The following SVOP variants were observed in gnomAD, a reference collection of about 807,000 sequenced individuals.
The protein encoded by SVOP is SV2 related protein.
SVOP carries 17 observed loss-of-function variants against 69.1 expected under a neutral mutation model. The ratio of observed to expected loss-of-function variants is 0.25; its 90% CI spans 0.17 to 0.37. The LOEUF (loss-of-function observed/expected upper bound fraction) is 0.37, where lower values mean the gene tolerates loss of function less well. SVOP is among the 10% of genes least tolerant of loss of function. SVOP has a pLI of 1.00. For missense variants in SVOP, 435 were observed against 597.5 expected (o/e 0.73, Z 2.84); for synonymous variants, 238 against 238.6 (o/e 1.00, Z 0.02).
At chr12:108,963,181 A>G (rs1282932703) in intron 5 of SVOP, among the ~76,000 whole-genome samples, 2 of 152,084 alleles carry the variant, frequency 1.3e-5, no homozygotes, top group Non-Finnish European at 2.9e-5. Flanking sequence ...CCCTTCCCAG[A>G]GCTCCAAGGG....
At position 108,983,671 on chromosome 12, in the gene SVOP, G is replaced by A. The variant is rs1474278656; in HGVS notation, c.126C>T (p.His42=). 2.0e-5 allele frequency: 8 copies of A among 398,730 alleles called. No individual in the cohort carries two copies. Among genetic ancestry groups the A allele is most frequent in the Non-Finnish European group, 3.5e-5 (8 of 226,238 alleles). The allele number at this position is 398,730 out of a possible 1,614,324, so 24.7% of individuals were successfully genotyped here. Residue 42 remains histidine (H), a synonymous_variant, in exon 2 of 16, where the codon CAC becomes CAT. Transcript: ENST00000610966. ...CCAGCTCCACAGCCTCTAGGCCCACGTGGACCCCTTCAATCTGGACTTCAT... is the reference window on the plus strand; with the variant it reads ...CCAGCTCCACAGCCTCTAGGCCCACATGGACCCCTTCAATCTGGACTTCAT... ...GEHEVQIEGV[H]VGLEAVELDD...
intron 5 of SVOP, among the ~76,000 whole-genome samples, chr12:108,966,159 C>T (rs2040044466): frequency 6.6e-6 from 1 of 152,100 alleles, no homozygotes; most frequent in Admixed American, 6.5e-5. Flanking sequence ...TGCCATCATG[C>T]CTGGCTACAT....
chr12:109,020,297 A>T (rs1689896127), intron 1 of SVOP, among the ~76,000 whole-genome samples: 1 of 152,218 alleles, frequency 6.6e-6, no homozygotes, highest in Admixed American at 6.5e-5. Context: ...GACCGTGCAC[A>T]GCCCTCTCAT....
chr12:108,971,179 A>C (rs2040076676), intron 5 of SVOP, among the ~76,000 whole-genome samples: 1 of 152,152 alleles, frequency 6.6e-6, no homozygotes, highest in Non-Finnish European at 1.5e-5. Context: ...CTGTAATCTC[A>C]GCACTTTGGG....
chr12:108,931,008 G>A (rs1035073864), intron 11 of SVOP, among the ~76,000 whole-genome samples: 3 of 152,190 alleles, frequency 2.0e-5, no homozygotes, highest in African/African-American at 4.8e-5. Context: ...GCTAACCCCT[G>A]TTTTACGACA....
chr12:108,950,955 A>G (rs1304250772), intron 6 of SVOP, among the ~76,000 whole-genome samples: 1 of 152,268 alleles, frequency 6.6e-6, no homozygotes, highest in Non-Finnish European at 1.5e-5. Context: ...CAATGAAATT[A>G]GCAATGCCAA....
At chr12:109,016,064 T>C (rs1456073002) in intron 1 of SVOP, among the ~76,000 whole-genome samples, 1 of 152,162 alleles carries the variant, frequency 6.6e-6, no homozygotes, top group East Asian at 1.9e-4. Flanking sequence ...AAACGAATGC[T>C]GAGTGGAGGA....
At chr12:109,000,930 C>G (rs1382858511) in intron 1 of SVOP, among the ~76,000 whole-genome samples, 2 of 149,316 alleles carry the variant, frequency 1.3e-5, no homozygotes, top group Admixed American at 1.4e-4. Flanking sequence ...CTCACCACTC[C>G]TATTCAACAT....
At chr12:108,974,431 A>T (rs923246986) in intron 4 of SVOP, among the ~76,000 whole-genome samples, 15 of 152,198 alleles carry the variant, frequency 9.9e-5, no homozygotes, top group Non-Finnish European at 2.2e-4. Context: ...TTCTCATCTC[A>T]GAGAATTAAA....
chr12:108,982,549 C>T (rs1391500970), intron 2 of SVOP, among the ~76,000 whole-genome samples: 1 of 150,988 alleles, frequency 6.6e-6, no homozygotes, highest in African/African-American at 2.4e-5. Context: ...TCATCATCAC[C>T]GTCATCATCG....
At chr12:108,971,829 G>A (rs1368004841) in intron 5 of SVOP, among the ~76,000 whole-genome samples, 1 of 152,010 alleles carries the variant, frequency 6.6e-6, no homozygotes, top group Non-Finnish European at 1.5e-5. Context: ...CAAGGCAGGA[G>A]GATCGCTTGA....
intron 2 of SVOP, among the ~76,000 whole-genome samples, chr12:108,980,823 G>A (rs2040131751): frequency 6.6e-6 from 1 of 151,958 alleles, no homozygotes; most frequent in Non-Finnish European, 1.5e-5. Context: ...TACTCAGGAG[G>A]CTGAGGCAGG....
rs774071650 is a variant in SVOP at position 108,912,777 on chromosome 12, CT to C, written c.1441-37del. The C allele has an allele frequency of 2.5e-6, 4 of 1,595,370 alleles. No homozygotes were observed. The African/African-American group carries it at 5.4e-5, about 21-fold the overall frequency. ...GAGACACGGGTCGGTGAAAGCATCC[CT>C]TCTGAAGCACAGACATCGCCAACCA... On this transcript the variant is annotated intron_variant, in intron 15 of 15. Transcript: ENST00000610966.
At chr12:108,991,613 G>A (rs982891880) in intron 1 of SVOP, among the ~76,000 whole-genome samples, 121 of 151,800 alleles carry the variant, frequency 8.0e-4, no homozygotes, top group Admixed American at 1.2e-3. Context: ...GTGCCACCAC[G>A]CCTGGCTAAT....
At chr12:109,010,620 C>T (rs998277335) in intron 1 of SVOP, among the ~76,000 whole-genome samples, 1 of 151,950 alleles carries the variant, frequency 6.6e-6, no homozygotes, top group African/African-American at 2.4e-5. Context: ...TTCAAGTGAT[C>T]CTTCTGCCTC....
chr12:109,017,487 GT>G (rs2040373809), intron 1 of SVOP, among the ~76,000 whole-genome samples: 1 of 152,124 alleles, frequency 6.6e-6, no homozygotes, highest in Non-Finnish European at 1.5e-5. Context: ...TAGCTATTGA[GT>G]ATTTGAAATG....
chr12:109,009,109 G>A (rs1443771033), intron 1 of SVOP, among the ~76,000 whole-genome samples: 4 of 150,176 alleles, frequency 2.7e-5, no homozygotes, highest in East Asian at 4.0e-4. Context: ...TTACAGGCGC[G>A]AGCCACAACG....
intron 5 of SVOP, among the ~76,000 whole-genome samples, chr12:108,969,559 T>G (rs1381960676): frequency 2.6e-5 from 4 of 151,568 alleles, no homozygotes; most frequent in African/African-American, 9.7e-5. Context: ...ACTTCTGACC[T>G]CAGGTCATCC....
chr12:108,926,397 A>C (rs2039780299), intron 11 of SVOP: 2 of 152,154 alleles, frequency 1.3e-5, no homozygotes, highest in South Asian at 4.1e-4. Context: ...GTAGTATTTC[A>C]TGGTGTACTG....
Sources: gnomAD v4.1 joint callset for allele counts (sites outside exome capture counted in the v4.1 genomes callset) on GRCh38, gnomAD v4.1.1 for gene constraint, MANE v1.5 for transcripts, NCBI Gene and HGNC (gene_info 2026-07-23, HGNC 2026-07-21) for gene names.